DNAJC1: variants seen among roughly 807,000 people sequenced by gnomAD.
DNAJC1 encodes the protein dnaJ homolog subfamily C member 1.
In DNAJC1, 58 loss-of-function variants were observed where a neutral mutation model predicts 76.6. The ratio of observed to expected loss-of-function variants is 0.76; its 90% CI spans 0.61 to 0.94. The LOEUF (loss-of-function observed/expected upper bound fraction) is 0.94. Among genes scored for constraint, DNAJC1 ranks in the 40% least tolerant of loss-of-function variants. The probability of loss-of-function intolerance (pLI) is 0.00; values close to 1 mark genes in which losing one functional copy is unlikely to be tolerated. For missense variants in DNAJC1, 689 were observed against 677.3 expected (o/e 1.02, Z -0.19); for synonymous variants, 258 against 267.9 (o/e 0.96, Z 0.36).
chr10:21,873,270 C>T (rs993386395), intron 8 of DNAJC1, among the ~76,000 whole-genome samples: 3 of 152,140 alleles, frequency 2.0e-5, no homozygotes, highest in African/African-American at 7.2e-5. Context: ...AACTTGGTGT[C>T]TGAGGGGTTC....
chr10:21,943,610 TC>T (rs1177761087), intron 1 of DNAJC1, among the ~76,000 whole-genome samples: 2 of 152,166 alleles, frequency 1.3e-5, no homozygotes. Flanking sequence ...CACAGACTGA[TC>T]CCTAATCCCA....
chr10:21,993,507 T>G (rs1241721745), intron 1 of DNAJC1, among the ~76,000 whole-genome samples: 3 of 152,192 alleles, frequency 2.0e-5, no homozygotes, highest in Non-Finnish European at 4.4e-5. Flanking sequence ...TTTTCGTCTG[T>G]CTCATATTTT....
At chr10:21,886,240 A>G (rs1836364992) in intron 7 of DNAJC1, among the ~76,000 whole-genome samples, 1 of 152,162 alleles carries the variant, frequency 6.6e-6, no homozygotes, top group Non-Finnish European at 1.5e-5. Context: ...GAAGAGATGG[A>G]TAAATTCCTG....
At chr10:21,879,362 A>G (rs1415929177) in intron 8 of DNAJC1, among the ~76,000 whole-genome samples, 1 of 152,144 alleles carries the variant, frequency 6.6e-6, no homozygotes, top group Non-Finnish European at 1.5e-5. Flanking sequence ...GTTAGCTCAC[A>G]CCTATAATCC....
chr10:21,854,651 G>A (rs191948256), intron 8 of DNAJC1, among the ~76,000 whole-genome samples: 1 of 152,232 alleles, frequency 6.6e-6, no homozygotes, highest in Admixed American at 6.5e-5. Context: ...GTTAGGAAGT[G>A]AAAAGCATTC....
intron 1 of DNAJC1, among the ~76,000 whole-genome samples, chr10:21,980,284 C>A (rs1025115670): frequency 6.6e-6 from 1 of 151,920 alleles, no homozygotes; most frequent in Non-Finnish European, 1.5e-5. Flanking sequence ...AGTAATTTTA[C>A]GGTGGAGAAA....
chr10:21,804,109 A>G (rs903118248), intron 9 of DNAJC1: 19 of 291,280 alleles, frequency 6.5e-5, no homozygotes, highest in African/African-American at 4.1e-4. Flanking sequence ...TTTGTTGGTT[A>G]TATCCTGTGT....
At chr10:21,757,683 G>C (rs1834192122) in intron 11 of DNAJC1, among the ~76,000 whole-genome samples, 1 of 152,130 alleles carries the variant, frequency 6.6e-6, no homozygotes, top group Admixed American at 6.5e-5. Flanking sequence ...AACCAGATGT[G>C]GCCAGACCCA....
intron 9 of DNAJC1, among the ~76,000 whole-genome samples, chr10:21,792,110 C>A (rs1834696407): frequency 6.6e-6 from 1 of 152,038 alleles, no homozygotes; most frequent in Non-Finnish European, 1.5e-5. Context: ...CAGAGCACAA[C>A]CGCTGATGTG....
chr10:21,935,286 T>C (rs1048722744), intron 1 of DNAJC1, among the ~76,000 whole-genome samples: 6 of 151,820 alleles, frequency 4.0e-5, no homozygotes, highest in East Asian at 3.9e-4. Flanking sequence ...TCAACAAAAA[T>C]AGACTTTAAA....
intron 7 of DNAJC1, among the ~76,000 whole-genome samples, chr10:21,901,413 T>G (rs1836650918): frequency 6.6e-6 from 1 of 152,158 alleles, no homozygotes. Flanking sequence ...ATAAAACATA[T>G]CATTAGAGAA....
intron 1 of DNAJC1, among the ~76,000 whole-genome samples, chr10:21,979,199 T>C (rs1225959148): frequency 1.3e-5 from 2 of 152,050 alleles, no homozygotes; most frequent in Non-Finnish European, 2.9e-5. Context: ...CTTCTATTAA[T>C]ATAAGTAGTA....
chr10:21,834,308 G>A (rs1179596478), intron 8 of DNAJC1, among the ~76,000 whole-genome samples: 2 of 152,108 alleles, frequency 1.3e-5, no homozygotes, highest in Admixed American at 6.5e-5. Flanking sequence ...CCAGTGAAAC[G>A]TTGTTTAAAA....
chr10:21,973,335 G>A (rs565233340), intron 1 of DNAJC1, among the ~76,000 whole-genome samples: 44 of 152,218 alleles, frequency 2.9e-4, no homozygotes, highest in Middle Eastern at 3.4e-3. Context: ...GAAAATGGCC[G>A]TCTATGAAGA....
At position 21,831,789 on chromosome 10, in the gene DNAJC1, C is replaced by CAAAAA. The variant is rs141184526; in HGVS notation, c.979-25695_979-25691dup. Among the ~76,000 whole-genome samples the CAAAAA allele has an allele frequency of 1.4e-3, 152 of 111,352 alleles. 1 individual carries two copies. The East Asian group carries it at 0.015, about 11-fold the overall frequency. 73.1% of individuals were successfully genotyped at this position (111,352 alleles called of 152,430 possible). ...TGGGCGACAGAGCGAGACTCCATCT[C>CAAAAA]AAAAAAAAAAAAAAAAAAATGCTTA... is the stretch of plus-strand genomic sequence containing the variant. On this transcript the variant is annotated intron_variant, in intron 8 of 11. Coordinates refer to ENST00000376980, the MANE Select transcript of DNAJC1 (RefSeq NM_022365.4).
chr10:21,797,615 T>C (rs1480588737), intron 9 of DNAJC1, among the ~76,000 whole-genome samples: 3 of 152,140 alleles, frequency 2.0e-5, no homozygotes, highest in African/African-American at 7.2e-5. Context: ...TAAGAAGCAA[T>C]TAGCTCAGGA....
chr10:21,785,546 G>A (rs1408525795), intron 9 of DNAJC1: 1 of 152,146 alleles, frequency 6.6e-6, no homozygotes, highest in East Asian at 1.9e-4. Context: ...GTAGGCAGTC[G>A]AAAATATAAC....
chr10:21,775,611 T>C (rs1834445059), intron 9 of DNAJC1, among the ~76,000 whole-genome samples: 1 of 152,146 alleles, frequency 6.6e-6, no homozygotes, highest in Admixed American at 6.5e-5. Context: ...GATTGATGTC[T>C]CTCCTTTAGA....
chr10:21,768,219 TAA>T (rs1249301380), intron 9 of DNAJC1, among the ~76,000 whole-genome samples: 19 of 152,368 alleles, frequency 1.2e-4, no homozygotes, highest in Middle Eastern at 3.4e-3. Context: ...TGAATTTCAT[TAA>T]AGTTATGTTT....
Sources: allele counts gnomAD v4.1 joint callset (sites outside exome capture counted in the v4.1 genomes callset), GRCh38; gene constraint gnomAD v4.1.1; transcripts MANE v1.5; gene names NCBI Gene and HGNC (gene_info 2026-07-23, HGNC 2026-07-21).